Variants in FXN observed in about 807,000 individuals in gnomAD.
The protein encoded by FXN is frataxin, mitochondrial.
Under a neutral mutation model 22.4 loss-of-function variants are expected in FXN, and 14 were observed. The ratio of observed to expected loss-of-function variants is 0.62; its 90% CI spans 0.41 to 0.98. The LOEUF is 0.98. Among genes scored for constraint, FXN ranks in the 50% least tolerant of loss-of-function variants. The pLI is 0.00. For missense variants in FXN, 267 were observed against 268.4 expected (o/e 0.99, Z 0.04); for synonymous variants, 120 against 114.1 (o/e 1.05, Z -0.33).
intron 1 of FXN, chr9:69,043,412 T>C (rs1440750211): frequency 6.6e-6 from 1 of 152,258 alleles, no homozygotes; most frequent in Non-Finnish European, 1.5e-5. Context: ...TGAGATCAAT[T>C]AATTTGTTGT....
Position 69,074,530 on chromosome 9 carries a change from A to G in FXN, c.*1768A>G, listed in dbSNP as rs1442970405. On this transcript the variant is annotated 3_prime_UTR_variant, in exon 5 of 5. Coordinates refer to ENST00000484259, the MANE Select transcript of FXN (RefSeq NM_000144.5). ...GCGAGACTCCGTCTCAAAAAAAAAA[A>G]AAAGGAGGGTTTATTAATGAGAAGT... 1.1e-6 allele frequency: 1 copy of G among 946,752 alleles called. No individual in the cohort carries two copies. The highest frequency in any genetic ancestry group is 2.1e-5 in the African/African-American group (1 of 46,774). The allele number at this position is 946,752 out of a possible 1,614,324, so 58.6% of individuals were successfully genotyped here. A position where few individuals can be genotyped will look rare whatever the true frequency, so the allele number is the denominator to read the frequency against.
Position 69,072,907 on chromosome 9 carries a change from C to A in FXN, c.*145C>A. On this transcript the variant is annotated 3_prime_UTR_variant, in exon 5 of 5. Coordinates refer to ENST00000484259, the MANE Select transcript of FXN (RefSeq NM_000144.5). ...GACAGTTGGGCTATGTGTCACAGCT[C>A]TGTAGAAAGAATGTGTTGCCTCCTA... The A allele has an allele frequency of 1.3e-6, 2 of 1,516,888 alleles. No homozygotes were observed. Among genetic ancestry groups the A allele is most frequent in the Non-Finnish European group, 1.8e-6 (2 of 1,137,996 alleles). The allele number at this position is 1,516,888 out of a possible 1,614,324, so 94.0% of individuals were successfully genotyped here.
chr9:69,060,351 A>T (rs983138463), intron 3 of FXN, among the ~76,000 whole-genome samples: 2 of 151,564 alleles, frequency 1.3e-5, no homozygotes, highest in Non-Finnish European at 2.9e-5. Context: ...AGCCTGGGTG[A>T]CAGAGCGAGA....
chr9:69,047,336 GACACACACACACAGACACACACAC>G (rs1260276098), intron 2 of FXN, among the ~76,000 whole-genome samples: 1 of 146,658 alleles, frequency 6.8e-6, no homozygotes, highest in Non-Finnish European at 1.5e-5. Flanking sequence ...CACAGACACA[GACACACACACACAGACACACACAC>G]ACACACACAC....
intron 4 of FXN, among the ~76,000 whole-genome samples, chr9:69,066,949 C>G (rs917023822): frequency 4.6e-5 from 7 of 152,172 alleles, no homozygotes; most frequent in Admixed American, 6.5e-5. Context: ...GCAGGCCACA[C>G]CCAGAGACCA....
intron 3 of FXN, among the ~76,000 whole-genome samples, chr9:69,057,699 C>T (rs969850627): frequency 3.9e-5 from 6 of 152,058 alleles, no homozygotes; most frequent in Non-Finnish European, 7.4e-5. Flanking sequence ...AATATTATTA[C>T]TTGAGCTTTG....
intron 4 of FXN, among the ~76,000 whole-genome samples, chr9:69,066,529 A>G (rs1832168023): frequency 6.6e-6 from 1 of 152,056 alleles, no homozygotes; most frequent in Non-Finnish European, 1.5e-5. Flanking sequence ...AGGTTGGAGG[A>G]TTTTAACCTC....
At chr9:69,066,079 A>T (rs532256191) in intron 4 of FXN, among the ~76,000 whole-genome samples, 1 of 152,190 alleles carries the variant, frequency 6.6e-6, no homozygotes, top group Non-Finnish European at 1.5e-5. Flanking sequence ...ATGCAGGGAG[A>T]GACATCCCTC....
At chr9:69,070,972 T>C (rs1832263943) in intron 4 of FXN, among the ~76,000 whole-genome samples, 1 of 151,716 alleles carries the variant, frequency 6.6e-6, no homozygotes, top group South Asian at 2.1e-4. Flanking sequence ...CAGCAGCCTG[T>C]TTTTTTTGTT....
chr9:69,059,580 ATT>A (rs1832029549), intron 3 of FXN, among the ~76,000 whole-genome samples: 1 of 147,668 alleles, frequency 6.8e-6, no homozygotes, highest in African/African-American at 2.5e-5. Context: ...TTTTTTTTGT[ATT>A]TTTAGTAGAG....
intron 1 of FXN, among the ~76,000 whole-genome samples, chr9:69,037,335 G>A (rs914159513): frequency 1.1e-4 from 16 of 150,568 alleles, no homozygotes; most frequent in Non-Finnish European, 1.9e-4. Flanking sequence ...GCGTGGTGTC[G>A]CGCGCCTGTA....
rs1832330934 is a variant in FXN at position 69,074,473 on chromosome 9, A to C, written c.*1711A>C. The stretch of plus-strand genomic sequence containing the variant: ...TGCTTGACCCCAGGCGGAGGAGGTT[A>C]CAGTGAGTCGAGATCGTACCTGAGC... On this transcript the variant is annotated 3_prime_UTR_variant, in exon 5 of 5. Coordinates refer to ENST00000484259, the MANE Select transcript of FXN (RefSeq NM_000144.5). 1 of 979,926 alleles carries C rather than the reference A, an allele frequency of 1.0e-6. No individual in the cohort carries two copies. The highest frequency in any genetic ancestry group is 1.1e-4 in the East Asian group (1 of 8,752). The allele number at this position is 979,926 out of a possible 1,614,324, so 60.7% of individuals were successfully genotyped here. A position where few individuals can be genotyped will look rare whatever the true frequency, so the allele number is the denominator to read the frequency against.
At position 69,075,887 on chromosome 9, in the gene FXN, T is replaced by A. The variant is rs1294137722; in HGVS notation, c.*3125T>A. The A allele has an allele frequency of 3.5e-6, 2 of 564,792 alleles. No individual in the cohort carries two copies. The highest frequency in any genetic ancestry group is 4.5e-6 in the Non-Finnish European group (2 of 446,566). 35.0% of individuals were successfully genotyped at this position (564,792 alleles called of 1,614,324 possible). ...AGCTGGCTAATTTGTGTATTTTTTG[T>A]AGAGATGGGGTTTCACCATGTTGCC... is the stretch of plus-strand genomic sequence containing the variant. On this transcript the variant is annotated 3_prime_UTR_variant, in exon 5 of 5. Transcript: ENST00000484259.
In FXN at chr9:69,073,846, T is replaced by C; in HGVS notation, c.*1084T>C. 1 of 985,398 alleles carries C rather than the reference T, an allele frequency of 1.0e-6. No individual in the cohort carries two copies. The highest frequency in any genetic ancestry group is 1.1e-4 in the East Asian group (1 of 8,812). 61.0% of individuals were successfully genotyped at this position (985,398 alleles called of 1,614,324 possible). A position where few individuals can be genotyped will look rare whatever the true frequency, so the allele number is the denominator to read the frequency against. ...TAAGCTATATAGGAAACATTGTTAT[T>C]GGTGTTGCCCTATCGTGATTTCAGT... On this transcript the variant is annotated 3_prime_UTR_variant, in exon 5 of 5. Coordinates refer to ENST00000484259, the MANE Select transcript of FXN (RefSeq NM_000144.5).
At position 69,077,896 on chromosome 9, in the gene FXN, C is replaced by G. The variant is rs151240103; in HGVS notation, c.*5134C>G. On this transcript the variant is annotated 3_prime_UTR_variant, in exon 5 of 5. Transcript: ENST00000484259. The stretch of plus-strand genomic sequence containing the variant: ...AGTGAGCCGAGATTACACCACTGCA[C>G]TCCAGCCTGGGTGACAAGAGGGAAA... The G allele has an allele frequency of 0.05, 47,403 of 950,466 alleles. 1,816 individuals carry two copies. The highest frequency in any genetic ancestry group is 0.25 in the East Asian group (2,134 of 8,556). The allele number at this position is 950,466 out of a possible 1,614,324, so 58.9% of individuals were successfully genotyped here.
rs1229147241 is a variant in FXN, at chr9:69,073,408, A to G, written c.*646A>G. On this transcript the variant is annotated 3_prime_UTR_variant, in exon 5 of 5. Coordinates refer to ENST00000484259, the MANE Select transcript of FXN (RefSeq NM_000144.5). ...CATATTCACATACGTGTCTGTGTGT[A>G]TATATATTTTTTCAATTTAAAGGTT... The G allele has an allele frequency of 7.1e-6, 7 of 985,240 alleles. No individual in the cohort carries two copies. The highest frequency in any genetic ancestry group is 8.4e-6 in the Non-Finnish European group (7 of 829,890). The allele number at this position is 985,240 out of a possible 1,614,324, so 61.0% of individuals were successfully genotyped here.
chr9:69,066,896 G>T (rs2133129529), intron 4 of FXN, among the ~76,000 whole-genome samples: 1 of 151,988 alleles, frequency 6.6e-6, no homozygotes, highest in African/African-American at 2.4e-5. Flanking sequence ...GGGGGACGGG[G>T]CAGGTTGAGA....
At chr9:69,061,437 A>G (rs1298073379) in intron 3 of FXN, among the ~76,000 whole-genome samples, 2 of 152,078 alleles carry the variant, frequency 1.3e-5, no homozygotes, top group Non-Finnish European at 2.9e-5. Context: ...GCCCCCCAGT[A>G]TAGGGTGCAA....
In FXN at chr9:69,078,174, C is replaced by T; in HGVS notation, c.*5412C>T. On this transcript the variant is annotated 3_prime_UTR_variant, in exon 5 of 5. Coordinates refer to ENST00000484259, the MANE Select transcript of FXN (RefSeq NM_000144.5). ...GAGTCAGGATTTCTCTGTAAGATTGCCTAGGCTGTGTACTGCACATCTCCA... is the reference window on the plus strand; with the variant it reads ...GAGTCAGGATTTCTCTGTAAGATTGTCTAGGCTGTGTACTGCACATCTCCA... 2 of 984,842 alleles carry T rather than the reference C, an allele frequency of 2.0e-6. No homozygotes were observed. 61.0% of individuals were successfully genotyped at this position (984,842 alleles called of 1,614,324 possible).
Sources: allele counts gnomAD v4.1 joint callset (sites outside exome capture counted in the v4.1 genomes callset), GRCh38; gene constraint gnomAD v4.1.1; transcripts MANE v1.5; gene names NCBI Gene and HGNC (gene_info 2026-07-23, HGNC 2026-07-21).